Variants in MICU1 observed in about 807,000 individuals in gnomAD.
The protein encoded by MICU1 is calcium uptake protein 1, mitochondrial.
MICU1 carries 45 observed loss-of-function variants against 56.8 expected under a neutral mutation model. That is an observed-to-expected ratio of 0.79 (90% confidence interval 0.62 to 1.02). MICU1 has a LOEUF of 1.02. Ranked by LOEUF, MICU1 falls within the 50% of genes least tolerant of loss-of-function variation. The pLI, the probability that MICU1 is intolerant of heterozygous loss-of-function variation, is 0.00. For synonymous variants in MICU1, 186 were observed against 195.1 expected (o/e 0.95, Z 0.39); for missense variants, 504 against 587.1 (o/e 0.86, Z 1.46).
intron 9 of MICU1, among the ~76,000 whole-genome samples, chr10:72,412,436 C>T (rs182060216): frequency 5.3e-5 from 8 of 152,180 alleles, no homozygotes; most frequent in Non-Finnish European, 1.0e-4. Context: ...CTCTAGGTGA[C>T]TATAAAAAGA....
intron 1 of MICU1, among the ~76,000 whole-genome samples, chr10:72,575,787 C>G (rs1840725618): frequency 6.6e-6 from 1 of 152,180 alleles, no homozygotes; most frequent in South Asian, 2.1e-4. Flanking sequence ...GTCTCTCTCC[C>G]TTTCCTCAAG....
chr10:72,383,908 C>CG, intron 10 of MICU1, among the ~76,000 whole-genome samples: 1 of 152,118 alleles, frequency 6.6e-6, no homozygotes, highest in South Asian at 2.1e-4. Flanking sequence ...CTGATTCTCC[C>CG]GCCTCAGCCT....
chr10:72,522,108 T>A (rs1490531551), intron 5 of MICU1, among the ~76,000 whole-genome samples: 1 of 152,032 alleles, frequency 6.6e-6, no homozygotes, highest in African/African-American at 2.4e-5. Context: ...TATAAATAGA[T>A]GGTCAGGCTA....
At chr10:72,455,584 A>G (rs552330898) in intron 8 of MICU1, among the ~76,000 whole-genome samples, 2 of 152,292 alleles carry the variant, frequency 1.3e-5, no homozygotes, top group South Asian at 4.1e-4. Context: ...AGTTTATTAT[A>G]AAGTATCACA....
At chr10:72,370,152 A>G (rs1328160503) in intron 11 of MICU1, among the ~76,000 whole-genome samples, 1 of 152,144 alleles carries the variant, frequency 6.6e-6, no homozygotes, top group African/African-American at 2.4e-5. Flanking sequence ...GCTGGATTAC[A>G]GGCGTGAGAC....
At chr10:72,397,013 G>C (rs961026245) in intron 10 of MICU1, among the ~76,000 whole-genome samples, 1 of 152,142 alleles carries the variant, frequency 6.6e-6, no homozygotes, top group African/African-American at 2.4e-5. Context: ...GAAGGAAAAA[G>C]TGTTAAGAGC....
intron 6 of MICU1, among the ~76,000 whole-genome samples, chr10:72,500,277 T>C (rs1564904472): frequency 2.5e-3 from 22 of 8,972 alleles, no homozygotes; most frequent in Non-Finnish European, 3.0e-3. Flanking sequence ...TATATATATA[T>C]ATATATATAT....
intron 8 of MICU1, among the ~76,000 whole-genome samples, chr10:72,429,935 A>G (rs1221521320): frequency 3.3e-5 from 5 of 152,164 alleles, no homozygotes; most frequent in Non-Finnish European, 7.3e-5. Flanking sequence ...TAATGTGGAG[A>G]GAAATTTCTC....
chr10:72,433,132 G>T (rs774296282), intron 8 of MICU1, among the ~76,000 whole-genome samples: 10 of 148,060 alleles, frequency 6.8e-5, no homozygotes, highest in Admixed American at 1.4e-4. Flanking sequence ...TAGAGATGAG[G>T]GTTCACCATG....
At chr10:72,433,120 A>G (rs1395304826) in intron 8 of MICU1, among the ~76,000 whole-genome samples, 1 of 147,492 alleles carries the variant, frequency 6.8e-6, no homozygotes, top group Non-Finnish European at 1.5e-5. Context: ...TGTATTTTTT[A>G]GTAGAGATGA....
chr10:72,609,761 C>A (rs1417763067), intron 1 of MICU1, among the ~76,000 whole-genome samples: 1 of 148,216 alleles, frequency 6.7e-6, no homozygotes, highest in Non-Finnish European at 1.5e-5. Flanking sequence ...GGTGGCCGGG[C>A]GTGGTGGCTC....
chr10:72,624,019 T>G (rs1213385812), intron 1 of MICU1, among the ~76,000 whole-genome samples: 3 of 152,172 alleles, frequency 2.0e-5, no homozygotes, highest in African/African-American at 7.2e-5. Context: ...GCTCAAGAGA[T>G]AAAGCTAACT....
In MICU1 at chr10:72,576,429, G is replaced by T. The variant is rs374553138; in HGVS notation, c.-1-9635C>A. On this transcript the variant is annotated intron_variant, in intron 1 of 11. Transcript: ENST00000361114. ...TACTGCTGATGTGAGGCAGATTTTA[G>T]TGGTCTAGACAGAAGATCAAATCAG... Among the ~76,000 whole-genome samples the T allele has an allele frequency of 1.2e-4, 18 of 152,280 alleles. No individual in the cohort carries two copies. In the East Asian group the frequency reaches 3.5e-3, roughly 29 times the overall value.
chr10:72,399,276 C>T (rs1863369580), intron 10 of MICU1, among the ~76,000 whole-genome samples: 1 of 151,166 alleles, frequency 6.6e-6, no homozygotes, highest in Non-Finnish European at 1.5e-5. Flanking sequence ...ATCACTTGGA[C>T]ACAGGAAGGG....
chr10:72,611,514 G>A (rs942563872), intron 1 of MICU1, among the ~76,000 whole-genome samples: 4 of 151,942 alleles, frequency 2.6e-5, no homozygotes, highest in Admixed American at 2.0e-4. Flanking sequence ...CCAGCTACTC[G>A]AAAGGCTGAG....
intron 1 of MICU1, among the ~76,000 whole-genome samples, chr10:72,573,070 G>A (rs1840649878): frequency 1.3e-5 from 2 of 151,914 alleles, no homozygotes; most frequent in African/African-American, 4.8e-5. Flanking sequence ...CACCAAGAGA[G>A]ATTGGTTAAA....
intron 6 of MICU1, among the ~76,000 whole-genome samples, chr10:72,488,033 C>A (rs1866530249): frequency 6.6e-6 from 1 of 151,660 alleles, no homozygotes; most frequent in Non-Finnish European, 1.5e-5. Flanking sequence ...CCCGTCTCTA[C>A]TAAAAATACA....
At chr10:72,595,125 C>T (rs1419102347) in intron 1 of MICU1, among the ~76,000 whole-genome samples, 1 of 151,362 alleles carries the variant, frequency 6.6e-6, no homozygotes, top group Non-Finnish European at 1.5e-5. Context: ...GAATAGAGAC[C>T]TAGTGGGAGA....
intron 5 of MICU1, among the ~76,000 whole-genome samples, chr10:72,513,127 C>T (rs148787627): frequency 1.0e-3 from 154 of 152,276 alleles, no homozygotes; most frequent in African/African-American, 3.6e-3. Context: ...TCCACCTCAG[C>T]CTCCCAAAGT....
Sources: gnomAD v4.1 joint callset for allele counts (sites outside exome capture counted in the v4.1 genomes callset) on GRCh38, gnomAD v4.1.1 for gene constraint, MANE v1.5 for transcripts, NCBI Gene and HGNC (gene_info 2026-07-23, HGNC 2026-07-21) for gene names.